MAN1C1: variants seen among roughly 807,000 people sequenced by gnomAD.
MAN1C1 encodes the protein mannosidase alpha class 1C member 1.
A neutral mutation model predicts 71.5 loss-of-function variants in MAN1C1; 49 were observed. That is an observed-to-expected ratio of 0.69 (90% CI 0.54 to 0.87). MAN1C1 has a LOEUF of 0.87. MAN1C1 is among the 40% of genes least tolerant of loss of function. The pLI, the probability that MAN1C1 is intolerant of heterozygous loss-of-function variation, is 0.00. For missense variants in MAN1C1, 743 were observed against 835.0 expected (o/e 0.89, Z 1.36); for synonymous variants, 352 against 343.7 (o/e 1.02, Z -0.27).
chr1:25,657,968 A>G (rs1274609968), intron 1 of MAN1C1, among the ~76,000 whole-genome samples: 1 of 152,134 alleles, frequency 6.6e-6, no homozygotes, highest in African/African-American at 2.4e-5. Flanking sequence ...ACCACTGCTC[A>G]CTTTCAGGGC....
Position 25,719,051 on chromosome 1 carries a change from CTTATTATTATTA to C in MAN1C1, c.638-27590_638-27579del, listed in dbSNP as rs34993782. Among the ~76,000 whole-genome samples the C allele has an allele frequency of 2.8e-4, 41 of 143,886 alleles. No individual in the cohort carries two copies. In the South Asian group the frequency reaches 4.4e-3, roughly 16 times the overall value. The allele number at this position is 143,886 out of a possible 152,430, so 94.4% of individuals were successfully genotyped here. On this transcript the variant is annotated intron_variant, in intron 2 of 11. Coordinates refer to ENST00000374332, the MANE Select transcript of MAN1C1 (RefSeq NM_020379.4). ...CCATTTTCTCTATATCTTTCCAATG[CTTATTATTATTA>C]TTATTATTATTATTATTATTATTAT...
intron 6 of MAN1C1, 147 bp downstream of exon 6, chr1:25,758,856 C>T: frequency 1.4e-6 from 1 of 711,634 alleles, no homozygotes; most frequent in Non-Finnish European, 2.5e-6. Context: ...ACTAAGGTAG[C>T]AAATAGTAGC....
chr1:25,678,517 G>A (rs2046100625), intron 1 of MAN1C1, among the ~76,000 whole-genome samples: 1 of 152,204 alleles, frequency 6.6e-6, no homozygotes, highest in Admixed American at 6.5e-5. Flanking sequence ...GGCAAAACAT[G>A]CTGTCTGGCT....
chr1:25,705,906 G>A (rs1207350717), intron 2 of MAN1C1, among the ~76,000 whole-genome samples: 1 of 152,214 alleles, frequency 6.6e-6, no homozygotes, highest in African/African-American at 2.4e-5. Context: ...TTGCATCACT[G>A]CACTCCAGCC....
intron 3 of MAN1C1, among the ~76,000 whole-genome samples, chr1:25,747,033 T>A (rs3738454): frequency 0.045 from 6,814 of 152,170 alleles, 375 homozygotes; most frequent in East Asian, 0.21. Context: ...CGACCATCCA[T>A]CCCCTCCCTG....
At chr1:25,729,295 C>T (rs867452121) in intron 2 of MAN1C1, among the ~76,000 whole-genome samples, 3 of 152,188 alleles carry the variant, frequency 2.0e-5, no homozygotes, top group Non-Finnish European at 2.9e-5. Flanking sequence ...CTCCACCCTG[C>T]GGGTTCCTGC....
At chr1:25,684,724 A>G (rs2046203975) in intron 1 of MAN1C1, among the ~76,000 whole-genome samples, 1 of 152,244 alleles carries the variant, frequency 6.6e-6, no homozygotes, top group African/African-American at 2.4e-5. Flanking sequence ...GTGGCCGAGC[A>G]TGGAGAATAC....
intron 1 of MAN1C1, among the ~76,000 whole-genome samples, chr1:25,653,935 A>G (rs368767973): frequency 4.6e-5 from 7 of 152,284 alleles, no homozygotes; most frequent in Middle Eastern, 3.4e-3. Flanking sequence ...TGCTATGGGC[A>G]TCTCGTGGAT....
chr1:25,637,153 CAAAA>C (rs1189572131), intron 1 of MAN1C1, among the ~76,000 whole-genome samples: 2 of 144,954 alleles, frequency 1.4e-5, no homozygotes, highest in African/African-American at 2.5e-5. Flanking sequence ...AACTCTGTCT[CAAAA>C]AAAAAAATTA....
chr1:25,763,005 C>T (rs370891637), intron 6 of MAN1C1, among the ~76,000 whole-genome samples: 4 of 152,170 alleles, frequency 2.6e-5, no homozygotes, highest in South Asian at 4.1e-4. Context: ...CAGTGACTCA[C>T]GCCTATAATC....
At chr1:25,683,025 G>A (rs1312604568) in intron 1 of MAN1C1, among the ~76,000 whole-genome samples, 1 of 148,474 alleles carries the variant, frequency 6.7e-6, no homozygotes, top group Non-Finnish European at 1.5e-5. Flanking sequence ...ACAGCAGAGT[G>A]AGACTCCATC....
At chr1:25,781,329 A>G in intron 10 of MAN1C1, 1 of 554,196 alleles carries the variant, frequency 1.8e-6, no homozygotes, top group Non-Finnish European at 3.2e-6. Flanking sequence ...AGACTTGTGA[A>G]GAGGGTTCTG....
chr1:25,754,867 C>T (rs1039820653), intron 5 of MAN1C1, among the ~76,000 whole-genome samples: 1 of 152,206 alleles, frequency 6.6e-6, no homozygotes, highest in Non-Finnish European at 1.5e-5. Flanking sequence ...GCCTGCTGTC[C>T]GTGCCGTGTG....
chr1:25,745,776 G>A (rs1460924561), intron 2 of MAN1C1, among the ~76,000 whole-genome samples: 1 of 152,158 alleles, frequency 6.6e-6, no homozygotes, highest in Non-Finnish European at 1.5e-5. Flanking sequence ...GATCACTTGA[G>A]GCCAGGCATT....
intron 1 of MAN1C1, among the ~76,000 whole-genome samples, chr1:25,670,115 G>C (rs2045974336): frequency 1.3e-5 from 2 of 152,248 alleles, no homozygotes; most frequent in Admixed American, 1.3e-4. Context: ...TGGAGCCTTT[G>C]TTCTTGTGCT....
At chr1:25,756,803 T>C (rs2047292494) in intron 5 of MAN1C1, among the ~76,000 whole-genome samples, 2 of 152,186 alleles carry the variant, frequency 1.3e-5, no homozygotes. Flanking sequence ...GTATGAATGA[T>C]GCTTTACGTT....
In MAN1C1 at chr1:25,655,698, A is replaced by G. The variant is rs189781603; in HGVS notation, c.541-30742A>G. ...TATCGGCCTCTAATTAGGGGTACTG[A>G]CTTGCAAGTCTATTGGATGAAATTC... On this transcript the variant is annotated intron_variant, in intron 1 of 11. Transcript: ENST00000374332. Among the ~76,000 whole-genome samples the G allele has an allele frequency of 2.2e-4, 33 of 152,096 alleles. No homozygotes were observed. In the East Asian group the frequency reaches 6.0e-3, roughly 28 times the overall value.
At chr1:25,656,471 G>A (rs1054202674) in intron 1 of MAN1C1, among the ~76,000 whole-genome samples, 3 of 152,154 alleles carry the variant, frequency 2.0e-5, no homozygotes, top group Admixed American at 1.3e-4. Context: ...GGGCGGCTGA[G>A]TTGCCTGCTT....
chr1:25,720,180 G>A (rs2046744231), intron 2 of MAN1C1, among the ~76,000 whole-genome samples: 1 of 151,464 alleles, frequency 6.6e-6, no homozygotes. Flanking sequence ...TTAGAGAAAT[G>A]TATATTCAAA....
Sources: allele counts gnomAD v4.1 joint callset (sites outside exome capture counted in the v4.1 genomes callset), GRCh38; gene constraint gnomAD v4.1.1; transcripts MANE v1.5; gene names NCBI Gene and HGNC (gene_info 2026-07-23, HGNC 2026-07-21).